Variants in ANKRD17 observed in about 807,000 individuals in gnomAD.
The protein encoded by ANKRD17 is ankyrin repeat domain-containing protein 17.
In ANKRD17, 19 loss-of-function variants were observed where a neutral mutation model predicts 229.7. The observed-to-expected ratio is 0.08, with a 90% CI of 0.06 to 0.12. The LOEUF is 0.12. Among genes scored for constraint, ANKRD17 ranks in the 10% least tolerant of loss-of-function variants. The pLI is 1.00. For missense variants in ANKRD17, 2,176 were observed against 3,176.8 expected (o/e 0.68, Z 7.57); for synonymous variants, 1,112 against 1,146.1 (o/e 0.97, Z 0.60).
chr4:73,190,930 G>A (rs1736988850), intron 1 of ANKRD17, among the ~76,000 whole-genome samples: 1 of 152,016 alleles, frequency 6.6e-6, no homozygotes, highest in Admixed American at 6.5e-5. Flanking sequence ...AAGAAATGGA[G>A]AGGCATACCA....
chr4:73,103,793 ACT>A (rs990398620), intron 24 of ANKRD17, among the ~76,000 whole-genome samples: 1 of 149,572 alleles, frequency 6.7e-6, no homozygotes, highest in Non-Finnish European at 1.5e-5. Flanking sequence ...TTTGCTAGAT[ACT>A]CTCTGTCCTG....
Position 73,225,479 on chromosome 4 carries a change from G to C in ANKRD17, c.393+32797C>G, listed in dbSNP as rs1000490685. Reference sequence around the variant, plus strand: ...TTTTAACAATACATATGTGATTATGGCTTTCTCACAGAATTATGGCTATCA... The same window carrying C: ...TTTTAACAATACATATGTGATTATGCCTTTCTCACAGAATTATGGCTATCA... On this transcript the variant is annotated intron_variant, in intron 1 of 33. Transcript: ENST00000358602. Among the ~76,000 whole-genome samples, 9 of 152,142 alleles carry C rather than the reference G, an allele frequency of 5.9e-5. No individual in the cohort carries two copies. In the South Asian group the frequency reaches 1.9e-3, roughly 32 times the overall value.
intron 2 of ANKRD17, among the ~76,000 whole-genome samples, chr4:73,169,280 C>T (rs1160289638): frequency 2.0e-5 from 3 of 152,112 alleles, no homozygotes; most frequent in Non-Finnish European, 4.4e-5. Context: ...CTTAGGAACA[C>T]TAGACAGCAC....
chr4:73,189,403 G>GTTTTTTTTT (rs763345325), intron 1 of ANKRD17, among the ~76,000 whole-genome samples: 1 of 112,700 alleles, frequency 8.9e-6, no homozygotes, highest in African/African-American at 3.5e-5. Context: ...TGCCTGGAAT[G>GTTTTTTTTT]TTTTTTTTTT....
At position 73,081,776 on chromosome 4, in the gene ANKRD17, G is replaced by A. The variant is rs552837387; in HGVS notation, c.7160-2886C>T. Reference sequence around the variant, plus strand: ...AGGATTTAAGTTTCACTGATACCACGGTAACTTCACCACAGTTTAGAAATG... The same window carrying A: ...AGGATTTAAGTTTCACTGATACCACAGTAACTTCACCACAGTTTAGAAATG... On this transcript the variant is annotated intron_variant, in intron 30 of 33. Transcript: ENST00000358602. Among the ~76,000 whole-genome samples the A allele has an allele frequency of 1.0e-3, 154 of 152,282 alleles. 1 individual carries two copies. Among genetic ancestry groups the A allele is most frequent in the South Asian group, 1.4e-3 (7 of 4,828 alleles).
chr4:73,123,570 G>GA lies in ANKRD17; in HGVS notation c.3492+1342dup, dbSNP rs915386076. 7.9e-5 allele frequency among the ~76,000 whole-genome samples: 12 copies of GA among 151,700 alleles called. No homozygotes were observed. The South Asian group carries it at 1.3e-3, about 16-fold the overall frequency. On this transcript the variant is annotated intron_variant, in intron 18 of 33. Transcript: ENST00000358602. ...CAAATATAAGGGAACAAAAATTATGGAAAAAAATGCCTATATTATCACTGT... is the reference window on the plus strand; with the variant it reads ...CAAATATAAGGGAACAAAAATTATGGAAAAAAAATGCCTATATTATCACTGT...
chr4:73,209,935 A>ACAT (rs1560728807), intron 1 of ANKRD17, among the ~76,000 whole-genome samples: 1 of 152,186 alleles, frequency 6.6e-6, no homozygotes, highest in Non-Finnish European at 1.5e-5. Context: ...ATAAAAGGGA[A>ACAT]CATCCTCAAC....
intron 1 of ANKRD17, among the ~76,000 whole-genome samples, chr4:73,241,109 C>A (rs1178464699): frequency 6.6e-6 from 1 of 152,010 alleles, no homozygotes; most frequent in Non-Finnish European, 1.5e-5. Flanking sequence ...CCGTGCCCGG[C>A]CCAAATTCAG....
At chr4:73,101,137 G>T (rs1328398308) in intron 25 of ANKRD17, 3 of 874,156 alleles carry the variant, frequency 3.4e-6, no homozygotes, top group Non-Finnish European at 4.1e-6. Context: ...TTGAGTATCT[G>T]AATTTTGGTA....
At chr4:73,165,639 AT>A (rs1412142020) in intron 2 of ANKRD17, among the ~76,000 whole-genome samples, 1 of 152,234 alleles carries the variant, frequency 6.6e-6, no homozygotes, top group African/African-American at 2.4e-5. Context: ...AAGTTACGTT[AT>A]ATAGCATTGT....
intron 1 of ANKRD17, among the ~76,000 whole-genome samples, chr4:73,195,634 G>A (rs925365814): frequency 2.6e-5 from 4 of 151,704 alleles, no homozygotes; most frequent in Non-Finnish European, 4.4e-5. Flanking sequence ...TCAGCCTCCC[G>A]AGTAGCTGAG....
rs377466968 is a variant in ANKRD17, at chr4:73,132,270, G to A, written c.3234+2847C>T. Among the ~76,000 whole-genome samples, 10 of 151,762 alleles carry A rather than the reference G, an allele frequency of 6.6e-5. No individual in the cohort carries two copies. In the East Asian group the frequency reaches 9.7e-4, roughly 15 times the overall value. On this transcript the variant is annotated intron_variant, in intron 16 of 33. Coordinates refer to ENST00000358602, the MANE Select transcript of ANKRD17 (RefSeq NM_032217.5). ...ATTACAGGTGTGTGTCACCATGCCC[G>A]GCTAATTTTTGTATTTTTAGTAGAG... is the stretch of plus-strand genomic sequence containing the variant.
chr4:73,203,057 AG>A (rs1275235829), intron 1 of ANKRD17, among the ~76,000 whole-genome samples: 1 of 152,246 alleles, frequency 6.6e-6, no homozygotes, highest in African/African-American at 2.4e-5. Context: ...GCACAAAAAA[AG>A]ATCAGTGAAC....
rs556807961 is a variant in ANKRD17 at position 73,195,518 on chromosome 4, T to C, written c.394-17985A>G. 8.5e-5 allele frequency among the ~76,000 whole-genome samples: 13 copies of C among 152,250 alleles called. No homozygotes were observed. The South Asian group carries it at 2.7e-3, about 32-fold the overall frequency. ...AAGAGTTTTCTTTGCTGAAGATTTT[T>C]TTTTTCTTTGAGACAGAGTCTCACT... On this transcript the variant is annotated intron_variant, in intron 1 of 33. Coordinates refer to ENST00000358602, the MANE Select transcript of ANKRD17 (RefSeq NM_032217.5).
chr4:73,255,971 C>A (rs1438164657), intron 1 of ANKRD17, among the ~76,000 whole-genome samples: 1 of 152,192 alleles, frequency 6.6e-6, no homozygotes, highest in Non-Finnish European at 1.5e-5. Context: ...GGTGATCCGC[C>A]CGCCTCGGTC....
chr4:73,193,930 T>C (rs916432876), intron 1 of ANKRD17, among the ~76,000 whole-genome samples: 6 of 152,136 alleles, frequency 3.9e-5, no homozygotes, highest in Non-Finnish European at 8.8e-5. Context: ...AAACCTTGTC[T>C]CAAAAACAAC....
intron 3 of ANKRD17, among the ~76,000 whole-genome samples, chr4:73,158,877 C>T (rs1254804182): frequency 6.6e-6 from 1 of 152,232 alleles, no homozygotes; most frequent in Non-Finnish European, 1.5e-5. Flanking sequence ...TCCCTGCCAG[C>T]AAGAAGGCTC....
chr4:73,199,288 G>GT (rs1299766399), intron 1 of ANKRD17, among the ~76,000 whole-genome samples: 1 of 150,948 alleles, frequency 6.6e-6, no homozygotes, highest in Non-Finnish European at 1.5e-5. Flanking sequence ...AACAAGGAAA[G>GT]TAAAAGAACA....
chr4:73,084,004 A>G (rs1315138172), intron 30 of ANKRD17, among the ~76,000 whole-genome samples: 1 of 152,022 alleles, frequency 6.6e-6, no homozygotes, highest in Admixed American at 6.6e-5. Flanking sequence ...GCAATTTCAC[A>G]TCTTTACCTG....
Sources: allele counts gnomAD v4.1 joint callset (sites outside exome capture counted in the v4.1 genomes callset), GRCh38; gene constraint gnomAD v4.1.1; transcripts MANE v1.5; gene names NCBI Gene and HGNC (gene_info 2026-07-23, HGNC 2026-07-21).